Variants in PPP1R37 observed in about 807,000 individuals in gnomAD.
PPP1R37 encodes the protein leucine rich repeat containing 68.
Under a neutral mutation model 61.0 loss-of-function variants are expected in PPP1R37, and 21 were observed. The observed-to-expected ratio is 0.34, with a 90% CI of 0.24 to 0.50. The LOEUF (loss-of-function observed/expected upper bound fraction) is 0.50. PPP1R37 is among the 20% of genes least tolerant of loss of function. The pLI is 0.98. For missense variants in PPP1R37, 910 were observed against 952.7 expected, an observed-to-expected ratio of 0.96 and a Z score of 0.59; for synonymous variants, 443 against 433.5, an observed-to-expected ratio of 1.02 and a Z score of -0.27.
At chr19:45,139,559 G>A (rs1447316432) in intron 2 of PPP1R37, among the ~76,000 whole-genome samples, 3 of 150,090 alleles carry the variant, frequency 2.0e-5, no homozygotes, top group South Asian at 2.1e-4. Flanking sequence ...TCGGGCTGTT[G>A]TACCCTCAGC....
chr19:45,141,180 G>C (rs1968606441), intron 4 of PPP1R37, 142 bp from the exon 5 acceptor site: 1 of 904,316 alleles, frequency 1.1e-6, no homozygotes, highest in Non-Finnish European at 1.6e-6. Context: ...ACGGGGCCCT[G>C]TCTGTGCTTG....
chr19:45,122,863 A>G (rs979370927), intron 1 of PPP1R37, among the ~76,000 whole-genome samples: 4 of 152,076 alleles, frequency 2.6e-5, no homozygotes, highest in African/African-American at 9.7e-5. Flanking sequence ...CCCGTGCTCC[A>G]TAAGCAGGAC....
intron 1 of PPP1R37, chr19:45,136,281 C>G (rs1968538104): frequency 6.6e-6 from 1 of 152,218 alleles, no homozygotes; most frequent in Non-Finnish European, 1.5e-5. Flanking sequence ...GGGAAAATAT[C>G]TGTCGTTTCT....
chr19:45,126,652 C>T (rs1968408749), intron 1 of PPP1R37, among the ~76,000 whole-genome samples: 1 of 152,194 alleles, frequency 6.6e-6, no homozygotes, highest in South Asian at 2.1e-4. Flanking sequence ...GTAAATAATA[C>T]TTGCCTCCAT....
At chr19:45,101,888 T>C (rs770621685) in intron 1 of PPP1R37, among the ~76,000 whole-genome samples, 2 of 152,214 alleles carry the variant, frequency 1.3e-5, no homozygotes, top group African/African-American at 2.4e-5. Flanking sequence ...CTTGACTTCA[T>C]TGACTTCTTC....
Position 45,106,807 on chromosome 19 carries a change from C to CTTT in PPP1R37, c.202+13305_202+13307dup, listed in dbSNP as rs927426410. 4.7e-4 allele frequency among the ~76,000 whole-genome samples: 37 copies of CTTT among 78,148 alleles called. 5 individuals are homozygous for CTTT. The highest frequency in any genetic ancestry group is 1.1e-3 in the African/African-American group (17 of 15,996). The allele number at this position is 78,148 out of a possible 152,430, so 51.3% of individuals were successfully genotyped here. A position where few individuals can be genotyped will look rare whatever the true frequency, so the allele number is the denominator to read the frequency against. On this transcript the variant is annotated intron_variant, in intron 1 of 12. Transcript: ENST00000221462. ...CCTTATGGCTAATGATGTTGAGCAT[C>CTTT]TTTTTTTTTTTTTTTTTTTTTTTTT...
intron 1 of PPP1R37, among the ~76,000 whole-genome samples, chr19:45,125,079 A>C (rs1486352426): frequency 6.6e-6 from 1 of 152,242 alleles, no homozygotes; most frequent in Non-Finnish European, 1.5e-5. Context: ...TGGTTGAAGC[A>C]AAAAGAGGAG....
intron 1 of PPP1R37, among the ~76,000 whole-genome samples, chr19:45,118,807 C>T (rs934498665): frequency 6.6e-6 from 1 of 152,162 alleles, no homozygotes; most frequent in Non-Finnish European, 1.5e-5. Flanking sequence ...CTGGCCGGGC[C>T]CCAGGGAGCC....
At chr19:45,125,739 G>C (rs1968396823) in intron 1 of PPP1R37, among the ~76,000 whole-genome samples, 1 of 152,216 alleles carries the variant, frequency 6.6e-6, no homozygotes. Flanking sequence ...GGGGAGGACA[G>C]CGGGGAGTCA....
chr19:45,094,317 A>ACCG (rs1344693787), intron 1 of PPP1R37, among the ~76,000 whole-genome samples: 2 of 152,102 alleles, frequency 1.3e-5, no homozygotes, highest in Non-Finnish European at 2.9e-5. Flanking sequence ...GCCAACGCCT[A>ACCG]CCGCCGCCTC....
intron 1 of PPP1R37, chr19:45,129,144 A>T: frequency 2.6e-6 from 1 of 389,830 alleles, no homozygotes; most frequent in Non-Finnish European, 5.1e-6. Flanking sequence ...TTGATGTTTT[A>T]TTTTGTTTTT....
intron 1 of PPP1R37, among the ~76,000 whole-genome samples, chr19:45,126,250 C>A (rs1321223917): frequency 2.6e-5 from 4 of 152,210 alleles, no homozygotes; most frequent in Non-Finnish European, 4.4e-5. Context: ...GTGCATGTGG[C>A]AGGCACAGAG....
chr19:45,131,661 G>T (rs1309770996), intron 1 of PPP1R37, among the ~76,000 whole-genome samples: 1 of 152,260 alleles, frequency 6.6e-6, no homozygotes, highest in Non-Finnish European at 1.5e-5. Flanking sequence ...GCTGAGGCAG[G>T]AGGATTGCTG....
At chr19:45,107,399 C>A (rs901594950) in intron 1 of PPP1R37, among the ~76,000 whole-genome samples, 8 of 151,846 alleles carry the variant, frequency 5.3e-5, no homozygotes, top group Non-Finnish European at 1.0e-4. Context: ...CCCAGGAGTT[C>A]GAGACCAGCC....
At position 45,121,630 on chromosome 19, in the gene PPP1R37, A is replaced by C. The variant is rs1599700851; in HGVS notation, c.203-16884A>C. On this transcript the variant is annotated intron_variant, in intron 1 of 12. Transcript: ENST00000221462. The surrounding 1 kb of genome is among the most constrained non-coding windows in gnomAD (Gnocchi z 4.2). ...GCAAGGACCTGAGAGATGTGTGGGC[A>C]GCTGTGTGCAGTGTATACAGGGAGT... Among the ~76,000 whole-genome samples, 3 of 152,216 alleles carry C rather than the reference A, an allele frequency of 2.0e-5. No homozygotes were observed. The South Asian group carries it at 6.2e-4, about 32-fold the overall frequency.
At chr19:45,140,079 G>C (rs1208977316) in intron 2 of PPP1R37, among the ~76,000 whole-genome samples, 157 bp from the exon 3 acceptor site, 1 of 152,240 alleles carries the variant, frequency 6.6e-6, no homozygotes, top group East Asian at 1.9e-4. Context: ...TGTACCCCAG[G>C]TTCCAGCTGG....
At chr19:45,127,667 TTCAACATAAAGAAATGA>T in intron 1 of PPP1R37, among the ~76,000 whole-genome samples, 1 of 152,050 alleles carries the variant, frequency 6.6e-6, no homozygotes, top group Non-Finnish European at 1.5e-5. Context: ...TGGACAGAGA[TTCAACATAAAGAAATGA>T]TCAATGTTTG....
intron 1 of PPP1R37, among the ~76,000 whole-genome samples, chr19:45,136,510 G>A (rs1314493491): frequency 5.3e-5 from 8 of 152,302 alleles, no homozygotes; most frequent in Middle Eastern, 3.4e-3. Context: ...AGTCCTGGGG[G>A]CTGCCTTCCC....
rs183975332 is a variant in PPP1R37, at chr19:45,104,396, C to T, written c.202+10869C>T. On this transcript the variant is annotated intron_variant, in intron 1 of 12. Coordinates refer to ENST00000221462, the MANE Select transcript of PPP1R37 (RefSeq NM_019121.2). ...GCTTATGAGCACCCAGGCCGGGTGC[C>T]GCAAAGCCTTTGTAACCCAGGCACT... Among the ~76,000 whole-genome samples, 496 of 152,308 alleles carry T rather than the reference C, an allele frequency of 3.3e-3. 5 individuals are homozygous for T. The highest frequency in any genetic ancestry group is 0.025 in the South Asian group (119 of 4,824).
Sources: allele counts gnomAD v4.1 joint callset (sites outside exome capture counted in the v4.1 genomes callset), GRCh38; gene constraint gnomAD v4.1.1; non-coding constraint Gnocchi (gnomAD v3.1); transcripts MANE v1.5; gene names NCBI Gene and HGNC (gene_info 2026-07-23, HGNC 2026-07-21).